VPS41: variants seen among roughly 807,000 people sequenced by gnomAD.
The protein encoded by VPS41 is vacuolar protein sorting-associated protein 41 homolog.
A neutral mutation model predicts 130.9 loss-of-function variants in VPS41; 85 were observed. The observed-to-expected ratio is 0.65, with a 90% CI of 0.55 to 0.78. The LOEUF (loss-of-function observed/expected upper bound fraction) is 0.78, where lower values mean the gene tolerates loss of function less well. Among genes scored for constraint, VPS41 ranks in the 30% least tolerant of loss-of-function variants. The pLI is 0.00. For synonymous variants in VPS41, 335 were observed against 332.9 expected (o/e 1.01, Z -0.07); for missense variants, 874 against 1,018.7 (o/e 0.86, Z 1.93).
chr7:38,782,157 C>T (rs559232800), intron 10 of VPS41, among the ~76,000 whole-genome samples: 1 of 152,196 alleles, frequency 6.6e-6, no homozygotes, highest in African/African-American at 2.4e-5. Context: ...CTGCTCCCAG[C>T]AGTGTCTCCT....
intron 9 of VPS41, 51 bp downstream of exon 9, chr7:38,795,414 C>A: frequency 6.4e-7 from 1 of 1,551,242 alleles, no homozygotes. Flanking sequence ...TTGGACCACC[C>A]TCAGTGGATC....
intron 2 of VPS41, among the ~76,000 whole-genome samples, 187 bp from the exon 3 acceptor site, chr7:38,869,440 G>A (rs1036335286): frequency 6.6e-6 from 1 of 152,060 alleles, no homozygotes; most frequent in Non-Finnish European, 1.5e-5. Context: ...TAACTTCACT[G>A]GTAAAATAAA....
intron 1 of VPS41, among the ~76,000 whole-genome samples, chr7:38,908,856 T>C (rs1320432331): frequency 6.6e-6 from 1 of 152,180 alleles, no homozygotes; most frequent in African/African-American, 2.4e-5. Context: ...GTCCCTGAGG[T>C]AGCCGGGCCT....
intron 25 of VPS41, among the ~76,000 whole-genome samples, chr7:38,737,163 C>G (rs1442178416): frequency 6.6e-6 from 1 of 152,152 alleles, no homozygotes; most frequent in East Asian, 1.9e-4. Flanking sequence ...ATCATGAGGT[C>G]AGGAGATGAA....
At position 38,723,861 on chromosome 7, in the gene VPS41, AATT is replaced by A. The variant is rs1452860641; in HGVS notation, c.*2382_*2384del. On this transcript the variant is annotated 3_prime_UTR_variant, in exon 29 of 29. Transcript: ENST00000310301. ...ATTGGGCTAGTCACACATGAAAAAT[AATT>A]GACTAACACTTGGATTATTTTGCCA... The A allele has an allele frequency of 1.3e-5, 2 of 152,004 alleles. No individual in the cohort carries two copies. The allele number at this position is 152,004 out of a possible 1,614,324, so 9.4% of individuals were successfully genotyped here.
intron 2 of VPS41, among the ~76,000 whole-genome samples, chr7:38,871,994 T>C (rs751700395): frequency 7.2e-5 from 11 of 152,182 alleles, no homozygotes; most frequent in Non-Finnish European, 1.5e-4. Flanking sequence ...ACAATAAATA[T>C]GTATTCGTTT....
At chr7:38,907,302 T>C (rs1034237918) in intron 1 of VPS41, among the ~76,000 whole-genome samples, 3 of 152,156 alleles carry the variant, frequency 2.0e-5, no homozygotes, top group Non-Finnish European at 4.4e-5. Flanking sequence ...TGCCTGGCTT[T>C]TTGAAGACTA....
intron 22 of VPS41, among the ~76,000 whole-genome samples, chr7:38,746,750 T>C (rs904982231): frequency 2.0e-5 from 3 of 152,192 alleles, no homozygotes; most frequent in Admixed American, 6.5e-5. Context: ...CTACCACGAC[T>C]TACAAGGCAT....
chr7:38,765,735 G>C, intron 15 of VPS41, 74 bp from the exon 16 acceptor site: 2 of 943,970 alleles, frequency 2.1e-6, no homozygotes, highest in Non-Finnish European at 3.2e-6. Context: ...GACAGAATAA[G>C]TAGACATTTT....
intron 14 of VPS41, among the ~76,000 whole-genome samples, chr7:38,768,808 CT>C (rs1317712737): frequency 6.6e-6 from 1 of 152,092 alleles, no homozygotes; most frequent in Admixed American, 6.5e-5. Flanking sequence ...CCTCCTCTTC[CT>C]TTTATATCAA....
At chr7:38,866,708 C>T (rs1042531244) in intron 3 of VPS41, among the ~76,000 whole-genome samples, 1 of 151,986 alleles carries the variant, frequency 6.6e-6, no homozygotes, top group Non-Finnish European at 1.5e-5. Flanking sequence ...AGATTTAAAA[C>T]CAAGATAAAG....
chr7:38,774,282 C>CTTTCTATATATTA, intron 11 of VPS41, 38 bp from the exon 12 acceptor site: 1 of 1,540,492 alleles, frequency 6.5e-7, no homozygotes, highest in Non-Finnish European at 8.8e-7. Context: ...ATTTAAATTA[C>CTTTCTATATATTA]ATTTCTATAT....
At chr7:38,779,671 A>G (rs1318140602) in intron 10 of VPS41, among the ~76,000 whole-genome samples, 1 of 152,230 alleles carries the variant, frequency 6.6e-6, no homozygotes, top group Non-Finnish European at 1.5e-5. Flanking sequence ...TTTTAGATTT[A>G]ACAAGATTCT....
chr7:38,862,521 C>T (rs1198566590), intron 4 of VPS41, 24 bp downstream of exon 4: 2 of 1,415,148 alleles, frequency 1.4e-6, no homozygotes, highest in Non-Finnish European at 2.0e-6. Flanking sequence ...TTAGCTCATA[C>T]ATTATTTTAT....
chr7:38,869,254 C>T lies in VPS41; in HGVS notation c.61-1G>A, dbSNP rs752844147. Reference sequence around the variant, plus strand: ...TGGGTTCCTCTTCGCTCTCTTCTTCCTGCACAAACGGCAAAGAAAAATGAC... The same window carrying T: ...TGGGTTCCTCTTCGCTCTCTTCTTCTTGCACAAACGGCAAAGAAAAATGAC... On this transcript the variant is annotated splice_acceptor_variant, in intron 2 of 28. Transcript: ENST00000310301. LOFTEE classifies it high-confidence loss of function. The T allele has an allele frequency of 8.7e-6, 14 of 1,602,790 alleles. No homozygotes were observed. The highest frequency in any genetic ancestry group is 9.4e-6 in the Non-Finnish European group (11 of 1,174,644).
At chr7:38,898,178 A>C (rs1787055259) in intron 1 of VPS41, 49 bp from the exon 2 acceptor site, 1 of 1,529,578 alleles carries the variant, frequency 6.5e-7, no homozygotes, top group Non-Finnish European at 9.1e-7. Context: ...ATAAAAGAAT[A>C]ATCATTTGCA....
chr7:38,817,436 G>A (rs2116099840), intron 7 of VPS41, among the ~76,000 whole-genome samples: 1 of 152,212 alleles, frequency 6.6e-6, no homozygotes, highest in Admixed American at 6.5e-5. Context: ...GTAGAGACAT[G>A]GCAAAACCCC....
Position 38,726,314 on chromosome 7 carries a change from G to T in VPS41, c.2497C>A (p.Gln833Lys). The T allele has an allele frequency of 6.2e-7, 1 of 1,606,836 alleles. No individual in the cohort carries two copies. Among genetic ancestry groups the T allele is most frequent in the Non-Finnish European group, 8.5e-7 (1 of 1,175,146 alleles). Residue 833 changes from glutamine (Q) to lysine (K), a missense_variant, in exon 29 of 29, where the codon CAG (glutamine) becomes AAG (lysine). Coordinates refer to ENST00000310301, the MANE Select transcript of VPS41 (RefSeq NM_014396.4). ...LPMPSMNSAA[Q>K]FCNICSAKNR... Reference sequence around the variant, plus strand: ...TTAGCACTGCAGATGTTGCAGAACTGTGCAGCAGAGTTCTAAAAATGCAAT... The same window carrying T: ...TTAGCACTGCAGATGTTGCAGAACTTTGCAGCAGAGTTCTAAAAATGCAAT...
At chr7:38,756,746 A>T (rs1783801961) in intron 19 of VPS41, 92 bp downstream of exon 19, 1 of 976,124 alleles carries the variant, frequency 1.0e-6, no homozygotes, top group African/African-American at 1.7e-5. Flanking sequence ...TATGTGATTC[A>T]TTCACCAATC....
Sources: allele counts gnomAD v4.1 joint callset (sites outside exome capture counted in the v4.1 genomes callset), GRCh38; gene constraint gnomAD v4.1.1; transcripts MANE v1.5; gene names NCBI Gene and HGNC (gene_info 2026-07-23, HGNC 2026-07-21).